CCT2: variants seen among roughly 807,000 people sequenced by gnomAD.
CCT2 encodes T-complex protein 1 subunit beta.
CCT2 carries 18 observed loss-of-function variants against 61.8 expected under a neutral mutation model. That is an observed-to-expected ratio of 0.29 (90% CI 0.20 to 0.43). The LOEUF is 0.43. CCT2 is among the 20% of genes least tolerant of loss of function. The probability of loss-of-function intolerance (pLI) is 1.00; values close to 1 mark genes in which losing one functional copy is unlikely to be tolerated. For missense variants in CCT2, 556 were observed against 656.9 expected (o/e 0.85, Z 1.68); for synonymous variants, 248 against 215.9 (o/e 1.15, Z -1.30).
Position 69,586,836 on chromosome 12 carries a change from G to C in CCT2, c.144+18G>C. The C allele has an allele frequency of 6.7e-7, 1 of 1,502,236 alleles. No homozygotes were observed. Among genetic ancestry groups the C allele is most frequent in the Non-Finnish European group, 9.1e-7 (1 of 1,099,738 alleles). 93.1% of individuals were successfully genotyped at this position (1,502,236 alleles called of 1,614,324 possible). The stretch of plus-strand genomic sequence containing the variant: ...AAGGCATGGTAAGAAAAATAGAAAA[G>C]TTTTATATTTTAATATTGTTTTAGA... On this transcript the variant is annotated intron_variant, in intron 3 of 15. Transcript: ENST00000299300.
At chr12:69,586,659 C>T in intron 2 of CCT2, 94 bp from the exon 3 acceptor site, 1 of 918,062 alleles carries the variant, frequency 1.1e-6, no homozygotes, top group Non-Finnish European at 1.7e-6. Flanking sequence ...CAGAGCGACA[C>T]TCTGCCTCAA....
intron 8 of CCT2, 95 bp from the exon 9 acceptor site, chr12:69,592,881 T>C (rs1009730167): frequency 8.5e-7 from 1 of 1,174,484 alleles, no homozygotes; most frequent in Non-Finnish European, 1.2e-6. Flanking sequence ...TGAGCCGAGA[T>C]TGCCCCACTG....
Position 69,593,083 on chromosome 12 carries a change from A to C in CCT2, c.858A>C (p.Gly286=). The C allele has an allele frequency of 6.2e-7, 1 of 1,613,474 alleles. No individual in the cohort carries two copies. Reference sequence around the variant, plus strand: ...AAGTTGAACGTATTCTTAAGCATGGAATAAATTGCTTTATTAACAGGTCTG... The same window carrying C: ...AAGTTGAACGTATTCTTAAGCATGGCATAAATTGCTTTATTAACAGGTCTG... The part of the protein sequence containing the change: ...KEKVERILKH[G]INCFINRQLI... The change falls in exon 9 of 16, where the codon GGA becomes GGC. Residue 286 remains glycine, a synonymous_variant. Coordinates refer to ENST00000299300, the MANE Select transcript of CCT2 (RefSeq NM_006431.3).
At position 69,585,531 on chromosome 12, in the gene CCT2, C is replaced by G. The variant is rs750288666; in HGVS notation, c.3+7C>G. The G allele has an allele frequency of 1.3e-6, 2 of 1,570,436 alleles. No homozygotes were observed. The highest frequency in any genetic ancestry group is 1.7e-6 in the Non-Finnish European group (2 of 1,156,966). On this transcript the variant is annotated splice_region_variant and intron_variant, in intron 1 of 15. Coordinates refer to ENST00000299300, the MANE Select transcript of CCT2 (RefSeq NM_006431.3). ...GGAACTCCTCGGAACCATGGTGAGC[C>G]TGACTCCCCTGCCTCTTGCCCTACC...
intron 7 of CCT2, among the ~76,000 whole-genome samples, chr12:69,590,156 C>T (rs771015788): frequency 2.6e-5 from 4 of 152,116 alleles, no homozygotes; most frequent in African/African-American, 7.2e-5. Flanking sequence ...GTGGTTTGCA[C>T]ATGTGCAACC....
intron 14 of CCT2, 126 bp downstream of exon 14, chr12:69,598,547 A>G (rs1361770494): frequency 4.0e-6 from 2 of 498,696 alleles, no homozygotes; most frequent in Non-Finnish European, 7.1e-6. Flanking sequence ...CTTTGTCCTC[A>G]TAATCATTAC....
At position 69,598,093 on chromosome 12, in the gene CCT2, A is replaced by T. The variant is rs763295286; in HGVS notation, c.1335+22A>T. Reference sequence around the variant, plus strand: ...AATGGTAAGTTAATCAAAATGAGAGATCCGAACTTAAGTTTTGTGGTTATT... The same window carrying T: ...AATGGTAAGTTAATCAAAATGAGAGTTCCGAACTTAAGTTTTGTGGTTATT... On this transcript the variant is annotated intron_variant, in intron 13 of 15. Coordinates refer to ENST00000299300, the MANE Select transcript of CCT2 (RefSeq NM_006431.3). 2.9e-5 allele frequency: 44 copies of T among 1,530,896 alleles called. 1 individual carries two copies. The South Asian group carries it at 4.4e-4, about 15-fold the overall frequency. 94.8% of individuals were successfully genotyped at this position (1,530,896 alleles called of 1,614,324 possible).
Position 69,589,653 on chromosome 12 carries a change from A to G in CCT2, c.615A>G (p.Leu205=), listed in dbSNP as rs748627289. Residue 205 remains leucine, a synonymous_variant, in exon 7 of 16, where the codon CTA becomes CTG. Transcript: ENST00000299300. ...NLEAIHIIKK[L]GGSLADSYLD... is the part of the protein sequence containing the mutation. ...AGGCAATTCATATTATCAAGAAGCT[A>G]GGAGGAAGTTTGGCAGATTCCTATT... is the stretch of plus-strand genomic sequence containing the variant. 1.4e-5 allele frequency: 23 copies of G among 1,613,538 alleles called. No homozygotes were observed. Among genetic ancestry groups the G allele is most frequent in the Non-Finnish European group, 4.2e-6 (5 of 1,179,992 alleles).
At chr12:69,599,839 T>C in intron 14 of CCT2, 24 bp from the exon 15 acceptor site, 1 of 1,588,094 alleles carries the variant, frequency 6.3e-7, no homozygotes. Flanking sequence ...AACTGCTTTT[T>C]AGTAAATTTG....
chr12:69,598,120 A>G (rs759761262), intron 13 of CCT2, 49 bp downstream of exon 13: 2 of 1,372,966 alleles, frequency 1.5e-6, no homozygotes, highest in Non-Finnish European at 2.1e-6. Flanking sequence ...GTGGTTATTG[A>G]TAGTTTTAAA....
intron 9 of CCT2, 41 bp downstream of exon 9, chr12:69,593,144 GT>G: frequency 6.4e-7 from 1 of 1,551,870 alleles, no homozygotes; most frequent in Non-Finnish European, 8.8e-7. Context: ...TTCCATGAAA[GT>G]TTATGGAATA....
rs1881720672 is a variant in CCT2, at chr12:69,588,169, C to G, written c.353C>G (p.Ala118Gly). 3 of 1,612,698 alleles carry G rather than the reference C, an allele frequency of 1.9e-6. No homozygotes were observed. The East Asian group carries it at 6.7e-5, about 36-fold the overall frequency. ...ELLREAESLI[A>G]KKIHPQTIIA... ...TAATAGGAAGCAGAATCTTTAATTG[C>G]AAAAAAGATTCATCCACAGACCATC... Residue 118 changes from alanine to glycine, a missense_variant, in exon 6 of 16, where the codon GCA becomes GGA. By Grantham distance (60) the Ala-to-Gly change is moderately conservative. This residue lies in a region of CCT2 where 308 missense variants were observed against 350.6 expected (regional missense o/e 0.88). Transcript: ENST00000299300.
chr12:69,587,816 C>T, intron 4 of CCT2, 114 bp from the exon 5 acceptor site: 3 of 901,700 alleles, frequency 3.3e-6, no homozygotes. Flanking sequence ...CTCAGAGTTC[C>T]AAATAATTTG....
Position 69,593,547 on chromosome 12 carries a change from G to A in CCT2, c.916G>A (p.Ala306Thr). Residue 306 changes from alanine (A) to threonine (T), a missense_variant, in exon 10 of 16, where the codon GCT (alanine) becomes ACT (threonine). Physicochemically the swap from Ala to Thr is moderately conservative, Grantham distance 58 (BLOSUM62 0). Transcript: ENST00000299300. ...TAATTATCCTGAACAGCTCTTTGGTGCTGCTGGTGTCATGGCTATTGAGCA... is the reference window on the plus strand; with the variant it reads ...TAATTATCCTGAACAGCTCTTTGGTACTGCTGGTGTCATGGCTATTGAGCA... ...IYNYPEQLFGAAGVMAIEHAD... is the reference protein window; with the variant it reads ...IYNYPEQLFGTAGVMAIEHAD... 1 of 1,613,038 alleles carries A rather than the reference G, an allele frequency of 6.2e-7. No individual in the cohort carries two copies. Among genetic ancestry groups the A allele is most frequent in the Non-Finnish European group, 8.5e-7 (1 of 1,179,282 alleles).
chr12:69,596,982 G>A (rs960088836), intron 10 of CCT2, among the ~76,000 whole-genome samples, 174 bp from the exon 11 acceptor site: 4 of 152,148 alleles, frequency 2.6e-5, no homozygotes, highest in African/African-American at 9.7e-5. Context: ...TTATTTTAAA[G>A]ATTAAATAAT....
chr12:69,601,343 C>A lies in CCT2; in HGVS notation c.*18C>A, dbSNP rs11541106. 2 of 1,613,668 alleles carry A rather than the reference C, an allele frequency of 1.2e-6. No homozygotes were observed. The highest frequency in any genetic ancestry group is 1.7e-6 in the Non-Finnish European group (2 of 1,179,870). On this transcript the variant is annotated 3_prime_UTR_variant, in exon 16 of 16. Transcript: ENST00000299300. The stretch of plus-strand genomic sequence containing the variant: ...CCTGTTAAGCATTCCCACGTGCTGT[C>A]GATCTTTGGACCAGTTTCTAGCAAA...
chr12:69,591,088 A>G (rs964405451), intron 7 of CCT2, among the ~76,000 whole-genome samples: 5 of 152,196 alleles, frequency 3.3e-5, no homozygotes, highest in Non-Finnish European at 7.3e-5. Flanking sequence ...TAGTAGCACA[A>G]GCAGCACCAT....
chr12:69,593,204 T>C, intron 9 of CCT2, 101 bp downstream of exon 9: 1 of 1,029,710 alleles, frequency 9.7e-7, no homozygotes, highest in Non-Finnish European at 1.4e-6. Flanking sequence ...GGAACTGTCT[T>C]AGATAACTTC....
chr12:69,588,100 T>TAAGGACTA, intron 5 of CCT2, 50 bp from the exon 6 acceptor site: 1 of 1,534,168 alleles, frequency 6.5e-7, no homozygotes, highest in Non-Finnish European at 9.0e-7. Flanking sequence ...TATTGAGGAG[T>TAAGGACTA]GCTTAATAAT....
Sources: allele counts gnomAD v4.1 joint callset (sites outside exome capture counted in the v4.1 genomes callset), GRCh38; gene constraint gnomAD v4.1.1; regional missense constraint gnomAD v4.1.1; transcripts MANE v1.5; gene names NCBI Gene and HGNC (gene_info 2026-07-23, HGNC 2026-07-21).